ZNF705A: variants seen among roughly 807,000 people sequenced by gnomAD.
ZNF705A encodes the protein zinc finger protein 705A.
A neutral mutation model predicts 16.6 loss-of-function variants in ZNF705A; 8 were observed. The ratio of observed to expected loss-of-function variants is 0.48; its 90% confidence interval spans 0.28 to 0.87. The LOEUF is 0.87. Among genes scored for constraint, ZNF705A ranks in the 40% least tolerant of loss-of-function variants. The pLI, the probability that ZNF705A is intolerant of heterozygous loss-of-function variation, is 0.10. For synonymous variants in ZNF705A, 73 were observed against 117.3 expected (o/e 0.62, Z 2.44); for missense variants, 233 against 359.9 (o/e 0.65, Z 2.85).
At chr12:8,170,019 G>T (rs1416883877), upstream of ZNF705A, among the ~76,000 whole-genome samples, 1 of 151,966 alleles carries the variant, frequency 6.6e-6, no homozygotes, top group Admixed American at 6.6e-5. Context: ...GAGAAACCCC[G>T]TCTCGACTAA....
At chr12:8,171,656 A>G (rs1191048377), upstream of ZNF705A, among the ~76,000 whole-genome samples, 2 of 152,184 alleles carry the variant, frequency 1.3e-5, no homozygotes, top group Non-Finnish European at 2.9e-5. Flanking sequence ...CTGATGCAGG[A>G]GATTTTAAGG....
At chr12:8,157,475 G>C (rs1349610161) in intron 1 of ZNF705A, among the ~76,000 whole-genome samples, 3 of 152,090 alleles carry the variant, frequency 2.0e-5, no homozygotes, top group Non-Finnish European at 2.9e-5. Context: ...CTTGAGAAAA[G>C]CAACACTTGA....
intron 1 of ZNF705A, among the ~76,000 whole-genome samples, chr12:8,161,627 G>A (rs917130112): frequency 6.6e-6 from 1 of 152,112 alleles, no homozygotes; most frequent in African/African-American, 2.4e-5. Context: ...GGTGTCAGTT[G>A]TAATATCTCC....
chr12:8,172,516 A>C, upstream of ZNF705A: 1 of 1,475,122 alleles, frequency 6.8e-7, no homozygotes, highest in Non-Finnish European at 9.3e-7. Context: ...AAAATTGTGC[A>C]CAAGACTGCT....
chr12:8,171,323 C>T (rs1948443063), upstream of ZNF705A, among the ~76,000 whole-genome samples: 1 of 152,076 alleles, frequency 6.6e-6, no homozygotes, highest in South Asian at 2.1e-4. Context: ...GGAAATAATA[C>T]ATGCATGTTT....
chr12:8,179,319 A>G (rs1199422315), exon 5 of ZNF705A: 1 of 152,160 alleles, frequency 6.6e-6, no homozygotes, highest in Non-Finnish European at 1.5e-5. Context: ...CCAGCATGAT[A>G]AAACAGCCGA....
chr12:8,169,090 T>A (rs1417650859), upstream of ZNF705A, among the ~76,000 whole-genome samples: 1 of 152,258 alleles, frequency 6.6e-6, no homozygotes, highest in Non-Finnish European at 1.5e-5. Context: ...CTTCTATTGC[T>A]GTATTTTAAT....
intron 4 of ZNF705A, 97 bp from the exon 6 acceptor site, chr12:8,176,902 T>C: frequency 6.5e-7 from 1 of 1,536,964 alleles, no homozygotes; most frequent in Non-Finnish European, 8.9e-7. Flanking sequence ...AACTGGGGTC[T>C]ACCACTGAAT....
At chr12:8,170,684 T>C (rs1948438900), upstream of ZNF705A, among the ~76,000 whole-genome samples, 1 of 152,226 alleles carries the variant, frequency 6.6e-6, no homozygotes. Context: ...GTAGGCCTTC[T>C]CTAATATCTT....
chr12:8,176,255 A>T (rs1948483511), intron 4 of ZNF705A, among the ~76,000 whole-genome samples: 1 of 152,202 alleles, frequency 6.6e-6, no homozygotes, highest in African/African-American at 2.4e-5. Context: ...TGTCTGCAGG[A>T]GATAATGTGT....
intron 1 of ZNF705A, among the ~76,000 whole-genome samples, chr12:8,166,067 T>A (rs1460152804): frequency 6.6e-6 from 1 of 152,174 alleles, no homozygotes; most frequent in African/African-American, 2.4e-5. Flanking sequence ...CAGTGTTGAG[T>A]GCCTGCAGCT....
intron 1 of ZNF705A, among the ~76,000 whole-genome samples, chr12:8,162,822 A>T (rs1255979839): frequency 6.6e-6 from 1 of 152,174 alleles, no homozygotes; most frequent in Non-Finnish European, 1.5e-5. Context: ...CACTTCCCAG[A>T]CTTTACTAGC....
Position 8,175,212 on chromosome 12 carries a change from T to A in ZNF705A, c.140-16T>A. 6.3e-7 allele frequency: 1 copy of A among 1,596,018 alleles called. No individual in the cohort carries two copies. Among genetic ancestry groups the A allele is most frequent in the South Asian group, 1.1e-5 (1 of 90,870 alleles). ...TGACAGTGAACTCAAAACACATGTA[T>A]TCTTTCCACTAACAGGGTACCAGAT... is the stretch of plus-strand genomic sequence containing the variant. On this transcript the variant is annotated splice_polypyrimidine_tract_variant and intron_variant, in intron 2 of 4. Transcript: ENST00000359286.
chr12:8,161,987 A>C (rs1948359821), intron 1 of ZNF705A, among the ~76,000 whole-genome samples: 1 of 152,200 alleles, frequency 6.6e-6, no homozygotes, highest in Non-Finnish European at 1.5e-5. Context: ...AGAAAGGTAG[A>C]TTACTGAATC....
intron 1 of ZNF705A, 26 bp from the exon 3 acceptor site, chr12:8,174,300 A>G (rs762237457): frequency 1.6e-5 from 25 of 1,594,758 alleles, no homozygotes; most frequent in Non-Finnish European, 2.0e-5. Flanking sequence ...TTCTCTGTCT[A>G]AACTAAAATG....
At chr12:8,162,952 T>G (rs1663065431) in intron 1 of ZNF705A, among the ~76,000 whole-genome samples, 2 of 152,208 alleles carry the variant, frequency 1.3e-5, no homozygotes, top group Non-Finnish European at 2.9e-5. Context: ...CCTCATCCAC[T>G]ACTGTATGAA....
chr12:8,163,137 A>C (rs1215803265), intron 1 of ZNF705A, among the ~76,000 whole-genome samples: 1 of 152,108 alleles, frequency 6.6e-6, no homozygotes, highest in Admixed American at 6.5e-5. Context: ...TCTATTACTA[A>C]CTGGAGGTAT....
At chr12:8,177,653 A>C in exon 5 of ZNF705A, 1 of 1,592,044 alleles carries the variant, frequency 6.3e-7, no homozygotes, top group Non-Finnish European at 8.5e-7. Flanking sequence ...CAGTCAATGT[A>C]CTAGTCTTAA....
intron 1 of ZNF705A, among the ~76,000 whole-genome samples, chr12:8,158,198 C>T (rs1948325367): frequency 6.6e-6 from 1 of 151,920 alleles, no homozygotes; most frequent in Non-Finnish European, 1.5e-5. Context: ...TTAAAAGGAC[C>T]CTCAATTCTC....
Sources: allele counts gnomAD v4.1 joint callset (sites outside exome capture counted in the v4.1 genomes callset), GRCh38; gene constraint gnomAD v4.1.1; transcripts MANE v1.5; gene names NCBI Gene and HGNC (gene_info 2026-07-23, HGNC 2026-07-21).